The following VPS13D variants were observed in gnomAD, a reference collection of about 807,000 sequenced individuals.
The protein encoded by VPS13D is intermembrane lipid transfer protein VPS13D.
VPS13D carries 187 observed loss-of-function variants against 461.9 expected under a neutral mutation model. That is an observed-to-expected ratio of 0.40 (90% CI 0.36 to 0.46). The LOEUF (loss-of-function observed/expected upper bound fraction) is 0.46, where lower values mean the gene tolerates loss of function less well. Ranked by LOEUF, VPS13D falls within the 20% of genes least tolerant of loss-of-function variation. The pLI is 0.60. For synonymous variants in VPS13D, 1,951 were observed against 1,986.3 expected (o/e 0.98, Z 0.47); for missense variants, 4,711 against 5,364.9 (o/e 0.88, Z 3.81).
In VPS13D at chr1:12,262,065, C is replaced by G. The variant is rs1262952193; in HGVS notation, c.1579C>G (p.Gln527Glu). 6.2e-7 allele frequency: 1 copy of G among 1,610,506 alleles called. No individual in the cohort carries two copies. Among genetic ancestry groups the G allele is most frequent in the Admixed American group, 1.7e-5 (1 of 59,820 alleles). The part of the protein sequence containing the change: ...TPQMNESAFM[Q>E]LEFSDVKLLA... The stretch of plus-strand genomic sequence containing the variant: ...TCAAATGAATGAAAGTGCTTTCATG[C>G]AGCTCGAGTTTTCAGGTACACTGCC... Residue 527 changes from glutamine to glutamate, a missense_variant, in exon 13 of 70, where the codon CAG becomes GAG. Gln to Glu is a conservative substitution (Grantham distance 29). Transcript: ENST00000620676.
chr1:12,301,971 G>A (rs546490802), intron 25 of VPS13D, among the ~76,000 whole-genome samples: 1 of 152,280 alleles, frequency 6.6e-6, no homozygotes, highest in East Asian at 1.9e-4. Flanking sequence ...CTTGCTCTGT[G>A]ATCATCATAG....
chr1:12,425,793 T>C (rs181591160), intron 65 of VPS13D, among the ~76,000 whole-genome samples: 41 of 152,280 alleles, frequency 2.7e-4, no homozygotes, highest in African/African-American at 6.3e-4. Context: ...GGAACCTTGA[T>C]TGAAATTTAA....
At chr1:12,489,477 G>C (rs1222033957) in intron 67 of VPS13D, among the ~76,000 whole-genome samples, 1 of 152,162 alleles carries the variant, frequency 6.6e-6, no homozygotes, top group Non-Finnish European at 1.5e-5. Context: ...AATGGCAATA[G>C]TACAACATGG....
intron 21 of VPS13D, among the ~76,000 whole-genome samples, chr1:12,285,664 C>T (rs915811797): frequency 1.3e-5 from 2 of 152,124 alleles, no homozygotes; most frequent in African/African-American, 4.8e-5. Flanking sequence ...TCTAAAAAAA[C>T]AATGGACATA....
At chr1:12,239,419 G>A (rs1367926742) in intron 2 of VPS13D, among the ~76,000 whole-genome samples, 5 of 152,330 alleles carry the variant, frequency 3.3e-5, no homozygotes, top group East Asian at 3.9e-4. Context: ...GATTATAGGC[G>A]TGAGCCACTG....
intron 55 of VPS13D, among the ~76,000 whole-genome samples, chr1:12,376,076 T>C (rs931934224): frequency 6.6e-6 from 1 of 152,194 alleles, no homozygotes; most frequent in Non-Finnish European, 1.5e-5. Context: ...CTCACCTGGG[T>C]ATGTCTGTGT....
At chr1:12,425,395 C>T (rs1211899482) in intron 65 of VPS13D, among the ~76,000 whole-genome samples, 1 of 151,976 alleles carries the variant, frequency 6.6e-6, no homozygotes, top group Non-Finnish European at 1.5e-5. Flanking sequence ...CCCACCTGTA[C>T]TATAAATACA....
intron 65 of VPS13D, among the ~76,000 whole-genome samples, chr1:12,422,399 C>T (rs1644875602): frequency 6.6e-6 from 1 of 152,098 alleles, no homozygotes. Flanking sequence ...TTATTTCTAC[C>T]AGGCCCAAAT....
chr1:12,416,413 A>T (rs1186856995), intron 64 of VPS13D, among the ~76,000 whole-genome samples: 1 of 152,152 alleles, frequency 6.6e-6, no homozygotes, highest in Non-Finnish European at 1.5e-5. Flanking sequence ...AGCTATTTTT[A>T]TTCTTCTAAC....
chr1:12,380,343 C>T (rs998263373), intron 57 of VPS13D, among the ~76,000 whole-genome samples: 3 of 152,216 alleles, frequency 2.0e-5, no homozygotes, highest in Non-Finnish European at 2.9e-5. Context: ...TGCAAGTCCT[C>T]TGTAAAGGGT....
intron 52 of VPS13D, among the ~76,000 whole-genome samples, chr1:12,363,879 G>A (rs1643989365): frequency 6.7e-6 from 1 of 150,082 alleles, no homozygotes. Context: ...CCTGAATCGG[G>A]GAGGCGGAGG....
chr1:12,342,645 A>G (rs1171031296), intron 41 of VPS13D, among the ~76,000 whole-genome samples: 1 of 152,270 alleles, frequency 6.6e-6, no homozygotes, highest in Non-Finnish European at 1.5e-5. Context: ...CACATGTACC[A>G]GATTCTACTG....
At chr1:12,245,593 A>T (rs2101215095) in intron 5 of VPS13D, among the ~76,000 whole-genome samples, 1 of 152,270 alleles carries the variant, frequency 6.6e-6, no homozygotes, top group East Asian at 1.9e-4. Flanking sequence ...GCTTCGTGGC[A>T]TGTACCTGTA....
chr1:12,326,811 T>A (rs1439156052), intron 35 of VPS13D, among the ~76,000 whole-genome samples: 2 of 152,008 alleles, frequency 1.3e-5, no homozygotes, highest in African/African-American at 2.4e-5. Context: ...GCCCAGCTAA[T>A]TTTTGTTATT....
chr1:12,257,162 C>T (rs1245225948), intron 9 of VPS13D, 75 bp downstream of exon 9: 2 of 1,288,794 alleles, frequency 1.6e-6, no homozygotes, highest in South Asian at 2.4e-5. Flanking sequence ...CAGAAATATG[C>T]CTCACTGTCC....
intron 21 of VPS13D, among the ~76,000 whole-genome samples, chr1:12,285,704 A>G (rs946862696): frequency 7.9e-5 from 12 of 152,228 alleles, no homozygotes; most frequent in Non-Finnish European, 1.2e-4. Flanking sequence ...CCAACTAACA[A>G]GAATTCCTTG....
At chr1:12,246,211 T>C (rs987010294) in intron 5 of VPS13D, among the ~76,000 whole-genome samples, 2 of 152,186 alleles carry the variant, frequency 1.3e-5, no homozygotes, top group African/African-American at 2.4e-5. Flanking sequence ...CTGGCAGTGA[T>C]CAAAGTTAGG....
At chr1:12,461,690 G>A (rs901175663) in intron 67 of VPS13D, among the ~76,000 whole-genome samples, 10 of 152,132 alleles carry the variant, frequency 6.6e-5, no homozygotes, top group Non-Finnish European at 5.9e-5. Flanking sequence ...AGCTGAAGAC[G>A]CCTAAGAGTT....
intron 52 of VPS13D, chr1:12,367,850 A>G (rs1340110269): frequency 1.3e-5 from 2 of 152,090 alleles, no homozygotes; most frequent in African/African-American, 2.4e-5. Context: ...CACGTGATCC[A>G]CCCATCTCAG....
Sources: allele counts gnomAD v4.1 joint callset (sites outside exome capture counted in the v4.1 genomes callset), GRCh38; gene constraint gnomAD v4.1.1; transcripts MANE v1.5; gene names NCBI Gene and HGNC (gene_info 2026-07-23, HGNC 2026-07-21).